Variants in TPSD1 observed in about 807,000 individuals in gnomAD.
The protein encoded by TPSD1 is tryptase delta.
A neutral mutation model predicts 25.4 loss-of-function variants in TPSD1; 30 were observed. The observed-to-expected ratio is 1.18, with a 90% CI of 0.88 to 1.60. The LOEUF (loss-of-function observed/expected upper bound fraction) is 1.60, where lower values mean the gene tolerates loss of function less well. Ranked by LOEUF, TPSD1 falls within the 40% of genes most tolerant of loss-of-function variation. The probability of loss-of-function intolerance (pLI) is 0.00; values close to 1 mark genes in which losing one functional copy is unlikely to be tolerated. For synonymous variants in TPSD1, 176 were observed against 149.4 expected, an observed-to-expected ratio of 1.18 and a Z score of -1.30; for missense variants, 420 against 324.2, an observed-to-expected ratio of 1.30 and a Z score of -2.27.
chr16:1,258,491 C>G lies in TPSD1; in HGVS notation c.*115C>G. 1.2e-6 allele frequency: 2 copies of G among 1,612,918 alleles called. No individual in the cohort carries two copies. Among genetic ancestry groups the G allele is most frequent in the South Asian group, 1.1e-5 (1 of 90,998 alleles). ...GATCCACCACTATGTCCCCAAGAAG[C>G]CCTGAGCCAGGCCTGGGGTGTCCAC... On this transcript the variant is annotated 3_prime_UTR_variant, in exon 5 of 5. Coordinates refer to ENST00000211076, the MANE Select transcript of TPSD1 (RefSeq NM_012217.3).
rs1215807043 is a variant in TPSD1 at position 1,256,435 on chromosome 16, G to A, written c.82+73G>A. On this transcript the variant is annotated intron_variant, in intron 1 of 4. Coordinates refer to ENST00000211076, the MANE Select transcript of TPSD1 (RefSeq NM_012217.3). ...TCAGGGCCTGGGTGGGTTCTGGGGA[G>A]GCCGGGCTGGCCCCCACACAGGGAA... 1.4e-5 allele frequency: 23 copies of A among 1,609,830 alleles called. No individual in the cohort carries two copies. In the Admixed American group the frequency reaches 3.8e-4, roughly 27 times the overall value.
chr16:1,257,742 T>C (rs915285704), intron 3 of TPSD1, among the ~76,000 whole-genome samples: 1 of 152,136 alleles, frequency 6.6e-6, no homozygotes, highest in African/African-American at 2.4e-5. Context: ...ACCATGGGCC[T>C]AGCCCAGACG....
At chr16:1,258,251 C>A in intron 4 of TPSD1, 29 bp downstream of exon 4, 3 of 1,612,688 alleles carry the variant, frequency 1.9e-6, no homozygotes, top group Non-Finnish European at 2.5e-6. Context: ...CACCCCAATC[C>A]CCGGAGCCTG....
At chr16:1,257,256 TC>T in intron 3 of TPSD1, 194 bp downstream of exon 3, 2 of 742,534 alleles carry the variant, frequency 2.7e-6, no homozygotes, top group Non-Finnish European at 4.3e-6. Context: ...GGCCTGGGCG[TC>T]CCCCACCCCA....
Position 1,256,335 on chromosome 16 carries a change from C to G in TPSD1, c.55C>G (p.Leu19Val). 1 of 1,613,420 alleles carries G rather than the reference C, an allele frequency of 6.2e-7. No individual in the cohort carries two copies. Among genetic ancestry groups the G allele is most frequent in the Non-Finnish European group, 8.5e-7 (1 of 1,179,736 alleles). ...CCTGCTGCTGCTGGCGCTGCCCGTC[C>G]TGGCGAGCCCGGCCTACGTGGCCCC... ...LSLLLLALPV[L>V]ASPAYVAPAP... Residue 19 changes from leucine (L) to valine (V), a missense_variant, in exon 1 of 5, where the codon CTG becomes GTG. By Grantham distance (32) the Leu-to-Val change is conservative. Transcript: ENST00000211076.
chr16:1,258,065 T>C lies in TPSD1; in HGVS notation c.527T>C (p.Leu176Pro). The C allele has an allele frequency of 6.3e-7, 1 of 1,577,078 alleles. No individual in the cohort carries two copies. The highest frequency in any genetic ancestry group is 8.6e-7 in the Non-Finnish European group (1 of 1,161,968). ...CGCCCCCCTCCGCCCCCAGTGCACC[T>C]GCCGCCGCCATACCCGCTGAAGGAG... ...GWGDVDNNVH[L>P]PPPYPLKEVE... The change falls in exon 4 of 5, where the codon CTG (leucine) becomes CCG (proline). Residue 176 changes from leucine (L) to proline (P), a missense_variant. By Grantham distance (98) the Leu-to-Pro change is moderately conservative (BLOSUM62 -3). Coordinates refer to ENST00000211076, the MANE Select transcript of TPSD1 (RefSeq NM_012217.3).
Position 1,258,593 on chromosome 16 carries a change from C to A in TPSD1, c.*217C>A. 7.0e-7 allele frequency: 1 copy of A among 1,421,580 alleles called. No homozygotes were observed. The highest frequency in any genetic ancestry group is 1.5e-5 in the African/African-American group (1 of 68,432). The allele number at this position is 1,421,580 out of a possible 1,614,324, so 88.1% of individuals were successfully genotyped here. ...CCCAGGTGGTGACTGCCCCCCACAC[C>A]TTCCCCCATCCTGAGTCCCCTCTCC... On this transcript the variant is annotated 3_prime_UTR_variant, in exon 5 of 5. Transcript: ENST00000211076.
chr16:1,256,246 C>A lies in TPSD1; in HGVS notation c.-35C>A, dbSNP rs763888141. The A allele has an allele frequency of 2.5e-6, 4 of 1,612,652 alleles. No homozygotes were observed. The African/African-American group carries it at 4.0e-5, about 16-fold the overall frequency. ...TTCTTCACCCCACAATCTGTAGCCC[C>A]CAGCCCTGCCCTGTGAGGCCCGGCC... On this transcript the variant is annotated 5_prime_UTR_variant, in exon 1 of 5. Transcript: ENST00000211076.
Position 1,258,186 on chromosome 16 carries a change from G to C in TPSD1, c.648G>C (p.Met216Ile). ...GCTTTCAAATCGTCCGCGATGACAT[G>C]CTGTGTGCGGGGAGCGAAAATCACG... The part of the protein sequence containing the change: ...GHSFQIVRDD[M>I]LCAGSENHDS... Residue 216 changes from methionine to isoleucine, a missense_variant, in exon 4 of 5, where the codon ATG becomes ATC. Transcript: ENST00000211076. 6.2e-7 allele frequency: 1 copy of C among 1,612,916 alleles called. No homozygotes were observed. The highest frequency in any genetic ancestry group is 1.3e-5 in the African/African-American group (1 of 74,766).
At position 1,256,111 on chromosome 16, in the gene TPSD1, G is replaced by C; in HGVS notation, c.-170G>C. The C allele has an allele frequency of 8.8e-7, 1 of 1,138,998 alleles. No homozygotes were observed. The highest frequency in any genetic ancestry group is 1.3e-6 in the Non-Finnish European group (1 of 793,324). 70.6% of individuals were successfully genotyped at this position (1,138,998 alleles called of 1,614,324 possible). ...GCCAGGGTAAGTCCCTACTCTCAGA[G>C]ACCCTGACATCAGCGTCACCTGGAG... On this transcript the variant is annotated 5_prime_UTR_variant, in exon 1 of 5. Transcript: ENST00000211076.
chr16:1,256,242 G>A lies in TPSD1; in HGVS notation c.-39G>A, dbSNP rs752319046. The stretch of plus-strand genomic sequence containing the variant: ...TCCATTCTTCACCCCACAATCTGTA[G>A]CCCCCAGCCCTGCCCTGTGAGGCCC... On this transcript the variant is annotated 5_prime_UTR_variant, in exon 1 of 5. Coordinates refer to ENST00000211076, the MANE Select transcript of TPSD1 (RefSeq NM_012217.3). 34 of 1,612,452 alleles carry A rather than the reference G, an allele frequency of 2.1e-5. No homozygotes were observed. In the African/African-American group the frequency reaches 4.0e-4, roughly 19 times the overall value.
chr16:1,257,121 C>G (rs967078919), intron 3 of TPSD1, 59 bp downstream of exon 3: 1 of 1,524,064 alleles, frequency 6.6e-7, no homozygotes, highest in Non-Finnish European at 8.8e-7. Flanking sequence ...CAGCCACAGG[C>G]CAGTCCGTGG....
In TPSD1 at chr16:1,258,613, C is replaced by T. The variant is rs190962014; in HGVS notation, c.*237C>T. Reference sequence around the variant, plus strand: ...CACACCTTCCCCCATCCTGAGTCCCCTCTCCCATCCTGAGCCCTGTCCCCT... The same window carrying T: ...CACACCTTCCCCCATCCTGAGTCCCTTCTCCCATCCTGAGCCCTGTCCCCT... On this transcript the variant is annotated 3_prime_UTR_variant, in exon 5 of 5. Coordinates refer to ENST00000211076, the MANE Select transcript of TPSD1 (RefSeq NM_012217.3). 24 of 1,201,638 alleles carry T rather than the reference C, an allele frequency of 2.0e-5. No individual in the cohort carries two copies. Among genetic ancestry groups the T allele is most frequent in the Non-Finnish European group, 2.7e-5 (23 of 856,118 alleles). 74.4% of individuals were successfully genotyped at this position (1,201,638 alleles called of 1,614,324 possible).
At chr16:1,257,869 G>C in intron 3 of TPSD1, 190 bp from the exon 4 acceptor site, 1 of 660,646 alleles carries the variant, frequency 1.5e-6, no homozygotes, top group South Asian at 1.9e-5. Flanking sequence ...GCTTAAATGA[G>C]GCCAGGGACC....
At position 1,256,929 on chromosome 16, in the gene TPSD1, C is replaced by G. The variant is rs529347382; in HGVS notation, c.387C>G (p.Ile129Met). The G allele has an allele frequency of 8.1e-6, 13 of 1,613,924 alleles. No individual in the cohort carries two copies. The Admixed American group carries it at 1.7e-4, about 21-fold the overall frequency. Residue 129 changes from isoleucine (I) to methionine (M), a missense_variant, in exon 3 of 5, where the codon ATC becomes ATG. Ile to Met is a conservative substitution (Grantham distance 10). Transcript: ENST00000211076. ...ACATCATCCAGACCGGGGCGGACAT[C>G]GCCCTGCTGGAGCTGGAGGAGCCCG... ...QFYIIQTGAD[I>M]ALLELEEPVN...
At chr16:1,258,032 C>T (rs750009328) in intron 3 of TPSD1, 27 bp from the exon 4 acceptor site, 71 of 1,555,048 alleles carry the variant, frequency 4.6e-5, no homozygotes, top group African/African-American at 1.9e-4. Flanking sequence ...GCCCCAGACC[C>T]GGCTCCACGC....
Position 1,258,240 on chromosome 16 carries a change from C to A in TPSD1, c.684+18C>A. ...CCTGCCAGGTGGGCCCTCGCGTCCC[C>A]CACCCCAATCCCCGGAGCCTGGCCA... On this transcript the variant is annotated intron_variant, in intron 4 of 4. Transcript: ENST00000211076. 1 of 1,611,578 alleles carries A rather than the reference C, an allele frequency of 6.2e-7. No homozygotes were observed. Among genetic ancestry groups the A allele is most frequent in the Non-Finnish European group, 8.5e-7 (1 of 1,179,714 alleles).
rs369919662 is a variant in TPSD1, at chr16:1,258,427, G to A, written c.*51G>A. 11 of 1,613,044 alleles carry A rather than the reference G, an allele frequency of 6.8e-6. No individual in the cohort carries two copies. The highest frequency in any genetic ancestry group is 9.3e-6 in the Non-Finnish European group (11 of 1,179,726). On this transcript the variant is annotated 3_prime_UTR_variant, in exon 5 of 5. Coordinates refer to ENST00000211076, the MANE Select transcript of TPSD1 (RefSeq NM_012217.3). ...AGGAGAGCTGTGCCCAGCCCAACCG[G>A]CCTGGCATCTACACCCGTGTCACCT...
At position 1,256,336 on chromosome 16, in the gene TPSD1, T is replaced by C. The variant is rs750026772; in HGVS notation, c.56T>C (p.Leu19Pro). The C allele has an allele frequency of 6.2e-7, 1 of 1,613,388 alleles. No homozygotes were observed. Among genetic ancestry groups the C allele is most frequent in the Non-Finnish European group, 8.5e-7 (1 of 1,179,722 alleles). ...LSLLLLALPVLASPAYVAPAP... is the reference protein window; with the variant it reads ...LSLLLLALPVPASPAYVAPAP... The stretch of plus-strand genomic sequence containing the variant: ...CTGCTGCTGCTGGCGCTGCCCGTCC[T>C]GGCGAGCCCGGCCTACGTGGCCCCT... Residue 19 changes from leucine to proline, a missense_variant, in exon 1 of 5, where the codon CTG becomes CCG. Coordinates refer to ENST00000211076, the MANE Select transcript of TPSD1 (RefSeq NM_012217.3).
Sources: gnomAD v4.1 joint callset for allele counts (sites outside exome capture counted in the v4.1 genomes callset) on GRCh38, gnomAD v4.1.1 for gene constraint, MANE v1.5 for transcripts, NCBI Gene and HGNC (gene_info 2026-07-23, HGNC 2026-07-21) for gene names.